The following CDH12 variants were observed in gnomAD, a reference collection of about 807,000 sequenced individuals.
CDH12 encodes the protein cadherin-12.
In CDH12, 41 loss-of-function variants were observed where a neutral mutation model predicts 74.1. That is an observed-to-expected ratio of 0.55 (90% CI 0.43 to 0.72). The LOEUF is 0.72. Ranked by LOEUF, CDH12 falls within the 30% of genes least tolerant of loss-of-function variation. The pLI, the probability that CDH12 is intolerant of heterozygous loss-of-function variation, is 0.00. For missense variants in CDH12, 945 were observed against 977.2 expected, an observed-to-expected ratio of 0.97 and a Z score of 0.44; for synonymous variants, 399 against 355.0, an observed-to-expected ratio of 1.12 and a Z score of -1.39.
At chr5:22,194,343 T>C (rs189147194) in intron 4 of CDH12, among the ~76,000 whole-genome samples, 1,865 of 151,474 alleles carry the variant, frequency 0.012, 44 homozygotes, top group African/African-American at 0.044. Context: ...TTTTGTTTTT[T>C]GTTTTTGAGA....
In CDH12 at chr5:22,463,205, A is replaced by G. The variant is rs138551742; in HGVS notation, c.-428+42065T>C. Among the ~76,000 whole-genome samples the G allele has an allele frequency of 5.7e-3, 867 of 152,320 alleles. 8 individuals carry two copies. Among genetic ancestry groups the G allele is most frequent in the Non-Finnish European group, 8.2e-3 (561 of 68,010 alleles). ...CAACACTGTCAACAATTAGCTGTAA[A>G]TGAATACTCTCACAATTACATTTGT... On this transcript the variant is annotated intron_variant, in intron 2 of 14. Transcript: ENST00000382254.
chr5:21,757,545 C>T (rs1212276162), intron 13 of CDH12, among the ~76,000 whole-genome samples: 1 of 152,108 alleles, frequency 6.6e-6, no homozygotes, highest in Non-Finnish European at 1.5e-5. Flanking sequence ...ATTTTATTTC[C>T]TCTCTAAATG....
At position 22,783,209 on chromosome 5, in the gene CDH12, C is replaced by T. The variant is rs564498864; in HGVS notation, c.-523+69849G>A. ...ATGTTGTAACATATTTATAAATATG[C>T]ACGTGCCACTTTAAATGTTGTATCA... is the stretch of plus-strand genomic sequence containing the variant. On this transcript the variant is annotated intron_variant, in intron 1 of 14. Coordinates refer to ENST00000382254, the MANE Select transcript of CDH12 (RefSeq NM_004061.5). Among the ~76,000 whole-genome samples the T allele has an allele frequency of 5.5e-3, 836 of 152,226 alleles. 8 individuals are homozygous for T. The highest frequency in any genetic ancestry group is 0.019 in the African/African-American group (780 of 41,538).
At chr5:21,841,471 C>G (rs1191118288) in intron 8 of CDH12, among the ~76,000 whole-genome samples, 2 of 150,654 alleles carry the variant, frequency 1.3e-5, no homozygotes, top group Non-Finnish European at 3.0e-5. Context: ...GGATCTAGAA[C>G]TAGAAATACC....
chr5:22,385,357 T>C (rs1402808485), intron 3 of CDH12, among the ~76,000 whole-genome samples: 1 of 152,232 alleles, frequency 6.6e-6, no homozygotes, highest in Admixed American at 6.5e-5. Context: ...ATGGATTCAA[T>C]GTTCCCCTAA....
intron 4 of CDH12, among the ~76,000 whole-genome samples, chr5:22,186,743 T>A (rs1749974455): frequency 6.6e-6 from 1 of 152,188 alleles, no homozygotes; most frequent in African/African-American, 2.4e-5. Context: ...AGTGCTGGGA[T>A]TACAAGTGTG....
chr5:22,122,167 C>T (rs1392776793), intron 4 of CDH12, among the ~76,000 whole-genome samples: 1 of 152,140 alleles, frequency 6.6e-6, no homozygotes, highest in African/African-American at 2.4e-5. Context: ...CTTTTGGAGG[C>T]CTAGGTGGGT....
chr5:21,859,955 C>A (rs1449476538), intron 6 of CDH12, among the ~76,000 whole-genome samples: 1 of 151,794 alleles, frequency 6.6e-6, no homozygotes, highest in African/African-American at 2.4e-5. Flanking sequence ...ACCACCCAAT[C>A]CAGGCAGACA....
chr5:21,925,630 G>T (rs765385306), intron 6 of CDH12, among the ~76,000 whole-genome samples: 1 of 151,984 alleles, frequency 6.6e-6, no homozygotes, highest in Non-Finnish European at 1.5e-5. Context: ...TAACTAATTT[G>T]GTTATTTTTC....
intron 3 of CDH12, among the ~76,000 whole-genome samples, chr5:22,310,502 A>T (rs979191727): frequency 1.3e-5 from 2 of 151,800 alleles, no homozygotes; most frequent in Non-Finnish European, 2.9e-5. Context: ...ATAATAAACC[A>T]TTATAATTAT....
At position 22,064,008 on chromosome 5, in the gene CDH12, C is replaced by A. The variant is rs923950266; in HGVS notation, c.231+14438G>T. ...GGAGATACACACACACACACACACA[C>A]ACACACACACACAAACACACACACA... On this transcript the variant is annotated intron_variant, in intron 5 of 14. Coordinates refer to ENST00000382254, the MANE Select transcript of CDH12 (RefSeq NM_004061.5). Among the ~76,000 whole-genome samples the A allele has an allele frequency of 5.6e-3, 856 of 151,646 alleles. 7 individuals carry two copies. The highest frequency in any genetic ancestry group is 0.02 in the African/African-American group (819 of 41,314).
chr5:21,877,134 A>T (rs530914462), intron 6 of CDH12, among the ~76,000 whole-genome samples: 4 of 152,206 alleles, frequency 2.6e-5, no homozygotes, highest in African/African-American at 7.2e-5. Context: ...ACCCATGAGG[A>T]GAAGGTTGCA....
intron 3 of CDH12, among the ~76,000 whole-genome samples, chr5:22,276,845 C>A (rs1456306637): frequency 1.3e-5 from 2 of 152,114 alleles, no homozygotes; most frequent in African/African-American, 4.8e-5. Context: ...TGATATCACA[C>A]CCAGATAATT....
intron 1 of CDH12, chr5:22,580,427 C>T (rs1419123941): frequency 3.9e-6 from 2 of 508,688 alleles, no homozygotes; most frequent in Non-Finnish European, 8.1e-6. Context: ...AAACATCACC[C>T]TCCAAGTACT....
chr5:22,596,290 A>T (rs1043403124), intron 1 of CDH12, among the ~76,000 whole-genome samples: 10 of 148,116 alleles, frequency 6.8e-5, no homozygotes, highest in Non-Finnish European at 1.0e-4. Flanking sequence ...ATACAAAAAA[A>T]ATTAGCTGGG....
At chr5:22,341,276 G>C (rs557623858) in intron 3 of CDH12, among the ~76,000 whole-genome samples, 3 of 152,142 alleles carry the variant, frequency 2.0e-5, no homozygotes, top group Non-Finnish European at 4.4e-5. Context: ...TTGAGTCCAG[G>C]AGTTAAAGAC....
intron 3 of CDH12, among the ~76,000 whole-genome samples, chr5:22,402,316 T>C (rs764246230): frequency 2.6e-5 from 4 of 152,186 alleles, no homozygotes; most frequent in Non-Finnish European, 4.4e-5. Flanking sequence ...AAAGAACACA[T>C]ACTTTTTTGA....
At chr5:22,437,387 G>A (rs914140928) in intron 2 of CDH12, among the ~76,000 whole-genome samples, 2 of 151,690 alleles carry the variant, frequency 1.3e-5, no homozygotes, top group South Asian at 4.2e-4. Context: ...AGTTATATTT[G>A]ATTCTAATAT....
chr5:22,015,643 A>C (rs1369083271), intron 5 of CDH12, among the ~76,000 whole-genome samples: 1 of 152,152 alleles, frequency 6.6e-6, no homozygotes, highest in African/African-American at 2.4e-5. Flanking sequence ...AATGACTTTC[A>C]GCTATTTAAA....
Sources: gnomAD v4.1 joint callset for allele counts (sites outside exome capture counted in the v4.1 genomes callset) on GRCh38, gnomAD v4.1.1 for gene constraint, MANE v1.5 for transcripts, NCBI Gene and HGNC (gene_info 2026-07-23, HGNC 2026-07-21) for gene names.